The following GPC5 variants were observed in gnomAD, a reference collection of about 807,000 sequenced individuals.
GPC5 encodes glypican-5.
In GPC5, 47 loss-of-function variants were observed where a neutral mutation model predicts 53.9. The observed-to-expected ratio is 0.87, with a 90% confidence interval of 0.69 to 1.11. GPC5 has a LOEUF of 1.11. Ranked by LOEUF, GPC5 falls within the 50% of genes most tolerant of loss-of-function variation. The pLI, the probability that GPC5 is intolerant of heterozygous loss-of-function variation, is 0.00. For missense variants in GPC5, 748 were observed against 713.1 expected, an observed-to-expected ratio of 1.05 and a Z score of -0.56; for synonymous variants, 286 against 263.3, an observed-to-expected ratio of 1.09 and a Z score of -0.84.
chr13:91,940,301 C>T (rs7325116), intron 6 of GPC5, among the ~76,000 whole-genome samples: 1 of 151,900 alleles, frequency 6.6e-6, no homozygotes, highest in African/African-American at 2.4e-5. Context: ...AGCTACACCT[C>T]TTTTGCTGCA....
intron 5 of GPC5, among the ~76,000 whole-genome samples, chr13:91,878,610 T>A (rs2138944989): frequency 6.6e-6 from 1 of 152,274 alleles, no homozygotes; most frequent in Non-Finnish European, 1.5e-5. Context: ...ATGGGGGTGG[T>A]TGTCCCTATG....
At chr13:92,089,833 G>A (rs1034530634) in intron 6 of GPC5, among the ~76,000 whole-genome samples, 1 of 152,256 alleles carries the variant, frequency 6.6e-6, no homozygotes, top group East Asian at 1.9e-4. Flanking sequence ...ATTCTTCAGA[G>A]ATAAATGTAC....
chr13:92,840,094 T>C lies in GPC5; in HGVS notation c.1562-26188T>C, dbSNP rs1266471122. On this transcript the variant is annotated intron_variant, in intron 7 of 7. Transcript: ENST00000377067. ...ATATACATACATATATATATATATA[T>C]ATATATATATATATATATATATATA... Among the ~76,000 whole-genome samples, 14 of 64,964 alleles carry C rather than the reference T, an allele frequency of 2.2e-4. 1 individual carries two copies. Among genetic ancestry groups the C allele is most frequent in the African/African-American group, 7.7e-4 (13 of 16,928 alleles). 42.6% of individuals were successfully genotyped at this position (64,964 alleles called of 152,430 possible).
At chr13:91,736,384 A>G (rs2036815504) in intron 4 of GPC5, among the ~76,000 whole-genome samples, 1 of 151,158 alleles carries the variant, frequency 6.6e-6, no homozygotes, top group Non-Finnish European at 1.5e-5. Context: ...AGTAGTTCAA[A>G]CTCCCTTGTC....
At chr13:92,656,804 C>A (rs575224293) in intron 7 of GPC5, among the ~76,000 whole-genome samples, 1 of 152,072 alleles carries the variant, frequency 6.6e-6, no homozygotes. Flanking sequence ...GCAAACAAAA[C>A]GTATCCATGC....
intron 7 of GPC5, among the ~76,000 whole-genome samples, chr13:92,430,215 G>A (rs1047750627): frequency 1.3e-5 from 2 of 151,918 alleles, no homozygotes; most frequent in Non-Finnish European, 2.9e-5. Flanking sequence ...AGAATGCTTG[G>A]CATATAACAC....
chr13:92,266,479 CA>C (rs1013393676), intron 7 of GPC5, among the ~76,000 whole-genome samples: 6 of 151,520 alleles, frequency 4.0e-5, no homozygotes, highest in South Asian at 4.2e-4. Flanking sequence ...ATATAGGAAG[CA>C]AAAAAAATAA....
At chr13:91,718,799 A>AT (rs1261850336) in intron 3 of GPC5, among the ~76,000 whole-genome samples, 3 of 151,940 alleles carry the variant, frequency 2.0e-5, no homozygotes, top group Non-Finnish European at 2.9e-5. Context: ...GTTCCCAGTG[A>AT]TTTTCTCTGG....
At chr13:91,746,707 A>G (rs916911430) in intron 4 of GPC5, among the ~76,000 whole-genome samples, 2 of 152,222 alleles carry the variant, frequency 1.3e-5, no homozygotes, top group Non-Finnish European at 2.9e-5. Flanking sequence ...ACAAAGTTTG[A>G]AACTATATGT....
intron 7 of GPC5, among the ~76,000 whole-genome samples, chr13:92,217,115 G>T (rs571117264): frequency 2.1e-4 from 32 of 152,282 alleles, no homozygotes; most frequent in African/African-American, 7.7e-4. Flanking sequence ...GATAGTGATG[G>T]CTTGTGCCTC....
intron 7 of GPC5, among the ~76,000 whole-genome samples, chr13:92,356,897 G>T (rs543165592): frequency 2.0e-5 from 3 of 152,214 alleles, no homozygotes; most frequent in African/African-American, 7.2e-5. Context: ...AGTGTCTTTT[G>T]TTCCCCATGG....
intron 5 of GPC5, among the ~76,000 whole-genome samples, chr13:91,805,967 A>T (rs1226079629): frequency 6.7e-6 from 1 of 150,346 alleles, no homozygotes; most frequent in African/African-American, 2.5e-5. Flanking sequence ...AAAAGTTTCT[A>T]CTGAAATTTC....
intron 2 of GPC5, among the ~76,000 whole-genome samples, chr13:91,679,540 A>G (rs2035459934): frequency 6.6e-6 from 1 of 152,244 alleles, no homozygotes; most frequent in African/African-American, 2.4e-5. Context: ...AAACTATTTC[A>G]TAATACTGTG....
At chr13:91,509,967 A>T (rs903657292) in intron 2 of GPC5, among the ~76,000 whole-genome samples, 1 of 152,178 alleles carries the variant, frequency 6.6e-6, no homozygotes, top group East Asian at 1.9e-4. Context: ...TCACTTGTAT[A>T]TCACCATTTC....
intron 7 of GPC5, among the ~76,000 whole-genome samples, chr13:92,798,092 T>C (rs1876765010): frequency 6.6e-6 from 1 of 151,864 alleles, no homozygotes; most frequent in Non-Finnish European, 1.5e-5. Context: ...TGTTGCTTTA[T>C]GTATACCAGA....
chr13:92,339,337 G>A (rs897278669), intron 7 of GPC5, among the ~76,000 whole-genome samples: 2 of 151,914 alleles, frequency 1.3e-5, no homozygotes, highest in Admixed American at 1.3e-4. Context: ...TTGTTTTCCA[G>A]TTATGAATAT....
In GPC5 at chr13:92,620,853, G is replaced by A. The variant is rs552767919; in HGVS notation, c.1562-245429G>A. 8.5e-5 allele frequency among the ~76,000 whole-genome samples: 13 copies of A among 152,272 alleles called. 2 individuals carry two copies. Among genetic ancestry groups the A allele is most frequent in the African/African-American group, 3.1e-4 (13 of 41,538 alleles). ...TTCCCATATCACTATCTTTAAACAG[G>A]TCTGTGGACTTACTTTATCCCAATT... On this transcript the variant is annotated intron_variant, in intron 7 of 7. Coordinates refer to ENST00000377067, the MANE Select transcript of GPC5 (RefSeq NM_004466.6).
intron 6 of GPC5, among the ~76,000 whole-genome samples, chr13:91,990,381 C>T (rs1020751739): frequency 2.0e-5 from 3 of 151,974 alleles, no homozygotes; most frequent in African/African-American, 7.3e-5. Context: ...CCTCAGTTTT[C>T]TCGTTGGTAC....
intron 1 of GPC5, among the ~76,000 whole-genome samples, chr13:91,403,957 A>G (rs1041968555): frequency 1.3e-5 from 2 of 152,194 alleles, no homozygotes; most frequent in Non-Finnish European, 1.5e-5. Flanking sequence ...TCTCCATCCC[A>G]TAATTTAAGT....
Sources: allele counts gnomAD v4.1 joint callset (sites outside exome capture counted in the v4.1 genomes callset), GRCh38; gene constraint gnomAD v4.1.1; transcripts MANE v1.5; gene names NCBI Gene and HGNC (gene_info 2026-07-23, HGNC 2026-07-21).